KARS1: variants seen among roughly 807,000 people sequenced by gnomAD.
KARS1 encodes lysyl-tRNA synthetase 1, also known as lysine--tRNA ligase.
Under a neutral mutation model 63.9 loss-of-function variants are expected in KARS1, and 50 were observed. That is an observed-to-expected ratio of 0.78 (90% confidence interval 0.62 to 0.99). KARS1 has a LOEUF of 0.99. Among genes scored for constraint, KARS1 ranks in the 50% least tolerant of loss-of-function variants. The probability of loss-of-function intolerance (pLI) is 0.00; values close to 1 mark genes in which losing one functional copy is unlikely to be tolerated. For missense variants in KARS1, 816 were observed against 754.5 expected, an observed-to-expected ratio of 1.08 and a Z score of -0.95; for synonymous variants, 320 against 264.6, an observed-to-expected ratio of 1.21 and a Z score of -2.03.
At chr16:75,640,790 G>C (rs8053257) in intron 2 of KARS1, among the ~76,000 whole-genome samples, 1 of 152,128 alleles carries the variant, frequency 6.6e-6, no homozygotes, top group South Asian at 2.1e-4. Context: ...CTCTACAGCA[G>C]CCTTTCTCAC....
chr16:75,635,843 C>T (rs1450235255), intron 5 of KARS1, 38 bp from the exon 6 acceptor site: 1 of 1,614,002 alleles, frequency 6.2e-7, no homozygotes, highest in Non-Finnish European at 8.5e-7. Flanking sequence ...ACTGGTATGT[C>T]TGATCCAAAG....
At chr16:75,641,429 G>A in intron 2 of KARS1, 135 bp downstream of exon 2, 1 of 725,502 alleles carries the variant, frequency 1.4e-6, no homozygotes, top group Non-Finnish European at 2.4e-6. Flanking sequence ...CAGATGCAGT[G>A]GGAGACCCTC....
chr16:75,634,204 T>C lies in KARS1; in HGVS notation c.884A>G (p.Tyr295Cys). The change falls in exon 7 of 14, where the codon TAT becomes TGT. Residue 295 changes from tyrosine to cysteine, a missense_variant. By Grantham distance (194) the Tyr-to-Cys change is radical (BLOSUM62 -2). Transcript: ENST00000302445. ...ATAGAGTTCTGGAGCAATTCTCATA[T>C]ATAAGTTCATGTCCAGCTCGTTGTG... is the stretch of plus-strand genomic sequence containing the variant. ...TYHNELDMNL[Y>C]MRIAPELYHK... is the part of the protein sequence containing the mutation. 2 of 1,614,040 alleles carry C rather than the reference T, an allele frequency of 1.2e-6. No homozygotes were observed. The highest frequency in any genetic ancestry group is 8.5e-7 in the Non-Finnish European group (1 of 1,179,880).
At chr16:75,628,102 T>C (rs1229152215) in intron 13 of KARS1, 109 bp from the exon 14 acceptor site, 1 of 768,584 alleles carries the variant, frequency 1.3e-6, no homozygotes, top group East Asian at 2.5e-5. Flanking sequence ...ATCCAGAGAT[T>C]AGTATATTCC....
rs1253270992 is a variant in KARS1, at chr16:75,646,013, C to T, written c.62+1565G>A. Among the ~76,000 whole-genome samples the T allele has an allele frequency of 2.0e-5, 3 of 152,066 alleles. No individual in the cohort carries two copies. In the East Asian group the frequency reaches 5.8e-4, roughly 29 times the overall value. On this transcript the variant is annotated intron_variant, in intron 1 of 13. Coordinates refer to ENST00000302445, the MANE Select transcript of KARS1 (RefSeq NM_005548.3). ...AGGTGGTTTGAAAGAATGAACTAAA[C>T]TTTAGGATCGTATATCACAGATATA... is the stretch of plus-strand genomic sequence containing the variant.
Position 75,641,470 on chromosome 16 carries a change from T to C in KARS1, c.222+94A>G, listed in dbSNP as rs1433601945. 3 of 1,070,632 alleles carry C rather than the reference T, an allele frequency of 2.8e-6. No homozygotes were observed. In the East Asian group the frequency reaches 7.6e-5, roughly 27 times the overall value. The allele number at this position is 1,070,632 out of a possible 1,614,324, so 66.3% of individuals were successfully genotyped here. A position where few individuals can be genotyped will look rare whatever the true frequency, so the allele number is the denominator to read the frequency against. ...TCCCTGGCAGTGACCTCAGGCGTACTGGTCCCTCCTACTGTCCAGTCCCAA... is the reference window on the plus strand; with the variant it reads ...TCCCTGGCAGTGACCTCAGGCGTACCGGTCCCTCCTACTGTCCAGTCCCAA... On this transcript the variant is annotated intron_variant, in intron 2 of 13. Coordinates refer to ENST00000302445, the MANE Select transcript of KARS1 (RefSeq NM_005548.3).
Position 75,640,044 on chromosome 16 carries a change from A to G in KARS1, c.388+140T>C, listed in dbSNP as rs2082205726. On this transcript the variant is annotated intron_variant, in intron 3 of 13. Transcript: ENST00000302445. ...CTGCTCTGCTTCTTTCTGTATAGAT[A>G]TAATGGCACTGTCCTTAGTAAAGTA... The G allele has an allele frequency of 1.9e-5, 14 of 739,118 alleles. No individual in the cohort carries two copies. The South Asian group carries it at 1.9e-4, about 10-fold the overall frequency. The allele number at this position is 739,118 out of a possible 1,614,324, so 45.8% of individuals were successfully genotyped here. A position where few individuals can be genotyped will look rare whatever the true frequency, so the allele number is the denominator to read the frequency against.
At chr16:75,634,548 A>G (rs1462369902) in intron 6 of KARS1, among the ~76,000 whole-genome samples, 2 of 152,224 alleles carry the variant, frequency 1.3e-5, no homozygotes, top group African/African-American at 4.8e-5. Context: ...CTAAATGGAT[A>G]TAGCCTTTCT....
intron 4 of KARS1, 103 bp from the exon 5 acceptor site, chr16:75,636,201 GAGCCCA>G: frequency 1.3e-6 from 1 of 791,682 alleles, no homozygotes; most frequent in Admixed American, 2.0e-5. Flanking sequence ...TAGTTAATGT[GAGCCCA>G]AGAAGGACGT....
intron 1 of KARS1, among the ~76,000 whole-genome samples, chr16:75,645,571 G>C (rs559679739): frequency 2.6e-5 from 4 of 152,234 alleles, no homozygotes; most frequent in Non-Finnish European, 5.9e-5. Flanking sequence ...GTGAAGCAGG[G>C]AGTGGTGGCT....
chr16:75,639,948 G>A (rs747735720), intron 3 of KARS1: 118 of 550,988 alleles, frequency 2.1e-4, no homozygotes, highest in Admixed American at 7.3e-4. Flanking sequence ...GCTGATGAAG[G>A]GAATCCTTAT....
At chr16:75,637,900 C>CAAA (rs11386229) in intron 3 of KARS1, among the ~76,000 whole-genome samples, 3,498 of 93,654 alleles carry the variant, frequency 0.037, 66 homozygotes, top group Middle Eastern at 0.082. Flanking sequence ...AAAAAGAGAC[C>CAAA]AAAAAAAAAA....
intron 1 of KARS1, among the ~76,000 whole-genome samples, chr16:75,645,843 C>CAAAAAAAAAA (rs11363202): frequency 1.2e-5 from 1 of 82,052 alleles, no homozygotes. Context: ...ACTCTGCCTC[C>CAAAAAAAAAA]AAAAAAAAAA....
At chr16:75,628,893 T>G in intron 12 of KARS1, 181 bp from the exon 13 acceptor site, 1 of 700,358 alleles carries the variant, frequency 1.4e-6, no homozygotes, top group South Asian at 1.6e-5. Context: ...TTCAAAGACC[T>G]GGAGGTCAGG....
At chr16:75,642,185 C>CTTTTTTTTTTT (rs148991591) in intron 1 of KARS1, among the ~76,000 whole-genome samples, 2 of 63,200 alleles carry the variant, frequency 3.2e-5, no homozygotes, top group African/African-American at 7.9e-5. Flanking sequence ...AGTGCCAGGT[C>CTTTTTTTTTTT]TTTTTTTTTT....
chr16:75,636,605 C>T, intron 3 of KARS1, 58 bp from the exon 4 acceptor site: 2 of 1,085,122 alleles, frequency 1.8e-6, no homozygotes, highest in Non-Finnish European at 2.8e-6. Flanking sequence ...TTTATGGTAT[C>T]AGTGTCAAAA....
chr16:75,629,652 T>C, intron 11 of KARS1, 111 bp from the exon 12 acceptor site: 1 of 1,157,950 alleles, frequency 8.6e-7, no homozygotes, highest in Non-Finnish European at 1.3e-6. Context: ...CAGGCTGGAG[T>C]GCAGTGGTGT....
chr16:75,629,608 C>A (rs2082089649), intron 11 of KARS1, 67 bp from the exon 12 acceptor site: 3 of 1,560,138 alleles, frequency 1.9e-6, no homozygotes, highest in Non-Finnish European at 2.6e-6. Flanking sequence ...TTTGTTTTTT[C>A]TTTTTTTTTG....
chr16:75,629,245 C>A (rs961877635), intron 12 of KARS1, among the ~76,000 whole-genome samples, 170 bp downstream of exon 12: 1 of 152,156 alleles, frequency 6.6e-6, no homozygotes, highest in South Asian at 2.1e-4. Context: ...GTACGACAGA[C>A]TCAATACCAG....
Sources: gnomAD v4.1 joint callset for allele counts (sites outside exome capture counted in the v4.1 genomes callset) on GRCh38, gnomAD v4.1.1 for gene constraint, MANE v1.5 for transcripts, NCBI Gene and HGNC (gene_info 2026-07-23, HGNC 2026-07-21) for gene names.